ZNG1A: variants seen among roughly 807,000 people sequenced by gnomAD.
The protein encoded by ZNG1A is zinc-regulated GTPase metalloprotein activator 1A.
the ZNG1A span, among the ~76,000 whole-genome samples, chr9:128,576 C>CAAGAA: frequency 6.8e-6 from 1 of 146,018 alleles, no homozygotes; most frequent in African/African-American, 2.6e-5. Context: ...ATATTTCTCC[C>CAAGAA]TTTACTTCTT....
At chr9:143,064 C>T in the ZNG1A span, among the ~76,000 whole-genome samples, 1 of 146,698 alleles carries the variant, frequency 6.8e-6, no homozygotes, top group East Asian at 2.0e-4. Context: ...AGCTTACCAA[C>T]CAAAAAGAGT....
chr9:156,626 T>G, the ZNG1A span: 1 of 1,279,504 alleles, frequency 7.8e-7, no homozygotes, highest in Non-Finnish European at 1.1e-6. Context: ...TTGCATCTAA[T>G]AAAAACTTCA....
At chr9:168,247 T>TTTA in the ZNG1A span, among the ~76,000 whole-genome samples, 1 of 141,988 alleles carries the variant, frequency 7.0e-6, no homozygotes, top group Non-Finnish European at 1.5e-5. Context: ...CAGACTTATT[T>TTTA]TTTATTTATT....
the ZNG1A span, chr9:177,905 T>A: frequency 6.6e-7 from 1 of 1,521,946 alleles, no homozygotes; most frequent in African/African-American, 1.4e-5. Context: ...TACAAAGTTT[T>A]TAAAAAAAAC....
chr9:172,885 T>A, the ZNG1A span: 1 of 287,636 alleles, frequency 3.5e-6, no homozygotes, highest in Non-Finnish European at 6.6e-6. Context: ...ACTTAACTAG[T>A]AGAACATAAC....
the ZNG1A span, among the ~76,000 whole-genome samples, chr9:141,743 T>C: frequency 6.6e-6 from 1 of 151,620 alleles, no homozygotes; most frequent in African/African-American, 2.4e-5. Flanking sequence ...AGACACAGAC[T>C]GGCAAATTGG....
chr9:162,590 A>T, the ZNG1A span: 3 of 797,862 alleles, frequency 3.8e-6, no homozygotes, highest in East Asian at 8.2e-5. Context: ...CTACTCAATA[A>T]AACAATGTAC....
At chr9:163,308 T>C in the ZNG1A span, among the ~76,000 whole-genome samples, 1 of 150,976 alleles carries the variant, frequency 6.6e-6, no homozygotes, top group African/African-American at 2.4e-5. Flanking sequence ...CAAGAGAAAA[T>C]AAAAGCAAAA....
the ZNG1A span, among the ~76,000 whole-genome samples, chr9:141,333 A>G: frequency 2.0e-4 from 29 of 144,532 alleles, no homozygotes; most frequent in Admixed American, 4.2e-4. Context: ...TCAGACTAAC[A>G]GCGGATCTCT....
chr9:178,496 T>C, the ZNG1A span, among the ~76,000 whole-genome samples: 4 of 109,510 alleles, frequency 3.7e-5, 1 homozygote, highest in South Asian at 8.9e-4. Flanking sequence ...GTGAGGTAGA[T>C]GAGCGTCAGG....
At chr9:141,638 C>T in the ZNG1A span, among the ~76,000 whole-genome samples, 1 of 148,188 alleles carries the variant, frequency 6.7e-6, no homozygotes, top group Admixed American at 6.8e-5. Flanking sequence ...ATCAACTAAC[C>T]AGCAAAATAA....
At chr9:172,198 C>T in the ZNG1A span, 1 of 1,608,666 alleles carries the variant, frequency 6.2e-7, no homozygotes, top group Non-Finnish European at 8.5e-7. Context: ...ACATAATTTA[C>T]AGTTAATTAC....
the ZNG1A span, chr9:164,171 G>A: frequency 9.1e-7 from 1 of 1,097,058 alleles, no homozygotes; most frequent in South Asian, 1.6e-5. Context: ...TATAGTGATA[G>A]AAGCTTTAAC....
chr9:145,094 T>C, the ZNG1A span, among the ~76,000 whole-genome samples: 1,002 of 146,202 alleles, frequency 6.9e-3, 9 homozygotes, highest in African/African-American at 0.024. Flanking sequence ...TTTACACTGT[T>C]GGTGGGACTG....
At chr9:169,872 T>C in the ZNG1A span, among the ~76,000 whole-genome samples, 1 of 137,610 alleles carries the variant, frequency 7.3e-6, no homozygotes, top group East Asian at 2.1e-4. Context: ...TTTTTTTTTT[T>C]TTTTTTTTAA....
At chr9:158,455 T>C in the ZNG1A span, among the ~76,000 whole-genome samples, 3 of 150,928 alleles carry the variant, frequency 2.0e-5, no homozygotes, top group African/African-American at 7.4e-5. Flanking sequence ...TATGAAAGCT[T>C]TTTTAACGTA....
chr9:164,917 C>G, the ZNG1A span, among the ~76,000 whole-genome samples: 1 of 151,958 alleles, frequency 6.6e-6, no homozygotes, highest in Non-Finnish European at 1.5e-5. Context: ...CAGCTGTTTA[C>G]AGTGATTACT....
chr9:154,341 A>G, the ZNG1A span: 1 of 366,984 alleles, frequency 2.7e-6, no homozygotes. Context: ...GAGTGAGAAT[A>G]CATTACGAGT....
chr9:130,398 T>C, the ZNG1A span, among the ~76,000 whole-genome samples: 3 of 132,102 alleles, frequency 2.3e-5, 1 homozygote, highest in Admixed American at 2.3e-4. Flanking sequence ...TGTCGCAAAA[T>C]ACGACTCCAA....
Sources: allele counts gnomAD v4.1 joint callset (sites outside exome capture counted in the v4.1 genomes callset), GRCh38; gene constraint gnomAD v4.1.1; transcripts MANE v1.5; gene names NCBI Gene and HGNC (gene_info 2026-07-23, HGNC 2026-07-21).